Variants in CFAP144 observed in about 807,000 individuals in gnomAD.
CFAP144 encodes cilia and flagella associated protein 144.
chr1:43,154,134 CT>C, the CFAP144 span, among the ~76,000 whole-genome samples: 5 of 123,572 alleles, frequency 4.0e-5, no homozygotes, highest in Non-Finnish European at 8.6e-5. Flanking sequence ...TATATTCTCC[CT>C]TTTTATATAT....
the CFAP144 span, chr1:43,148,086 T>A: frequency 1.1e-5 from 18 of 1,605,998 alleles, no homozygotes; most frequent in East Asian, 3.9e-4. Flanking sequence ...TCCGCAAGAG[T>A]GAGAGGCACG....
the CFAP144 span, among the ~76,000 whole-genome samples, chr1:43,151,373 T>C: frequency 2.6e-4 from 39 of 152,126 alleles, no homozygotes; most frequent in African/African-American, 9.4e-4. Flanking sequence ...GGTGGAGGGA[T>C]CTCATAGCAT....
the CFAP144 span, among the ~76,000 whole-genome samples, chr1:43,143,459 T>C: frequency 6.6e-6 from 1 of 152,152 alleles, no homozygotes. Context: ...CAGAATATTA[T>C]GGTGATAAAA....
At chr1:43,152,729 G>A in the CFAP144 span, 7 of 1,307,252 alleles carry the variant, frequency 5.4e-6, no homozygotes, top group East Asian at 2.6e-5. Flanking sequence ...AGGCACAGAT[G>A]CTCTGCCTGA....
chr1:43,151,973 C>T, the CFAP144 span, among the ~76,000 whole-genome samples: 28,211 of 152,062 alleles, frequency 0.19, 3,284 homozygotes, highest in Middle Eastern at 0.27. Flanking sequence ...GTTAGCTGCT[C>T]GCTCTCTTAT....
chr1:43,149,564 A>G, the CFAP144 span, among the ~76,000 whole-genome samples: 3 of 152,160 alleles, frequency 2.0e-5, no homozygotes, highest in East Asian at 1.9e-4. Context: ...GGAGTCCCCA[A>G]CCACTAGTTT....
the CFAP144 span, among the ~76,000 whole-genome samples, chr1:43,152,586 C>T: frequency 2.0e-5 from 3 of 152,178 alleles, no homozygotes; most frequent in African/African-American, 7.2e-5. Context: ...GAGCAGGGAC[C>T]ATGCTGTCAC....
At chr1:43,152,895 T>C in the CFAP144 span, 1 of 1,613,520 alleles carries the variant, frequency 6.2e-7, no homozygotes, top group East Asian at 2.2e-5. Context: ...AGACACAGAC[T>C]GAAAACCAGG....
At chr1:43,148,589 C>T in the CFAP144 span, among the ~76,000 whole-genome samples, 8 of 152,114 alleles carry the variant, frequency 5.3e-5, no homozygotes, top group African/African-American at 1.9e-4. Context: ...AATGGAGCTT[C>T]AGATCCACAC....
the CFAP144 span, among the ~76,000 whole-genome samples, chr1:43,155,559 A>G: frequency 1.3e-5 from 2 of 152,256 alleles, no homozygotes; most frequent in African/African-American, 2.4e-5. Context: ...CACTGCTAGC[A>G]TAGTAAGAAA....
chr1:43,156,132 G>C, the CFAP144 span: 1 of 1,238,324 alleles, frequency 8.1e-7, no homozygotes, highest in Non-Finnish European at 1.2e-6. Flanking sequence ...ATATAAGCCA[G>C]GCCCATTGAC....
the CFAP144 span, chr1:43,145,417 C>T: frequency 1.3e-6 from 1 of 754,358 alleles, no homozygotes; most frequent in African/African-American, 1.7e-5. Flanking sequence ...TGGTCTGGTT[C>T]CTCCCAGACT....
the CFAP144 span, chr1:43,148,109 A>AAGGGCGAGAGCGGG: frequency 1.6e-5 from 25 of 1,610,316 alleles, no homozygotes; most frequent in Non-Finnish European, 2.0e-5. Flanking sequence ...GGGGTGGGGG[A>AAGGGCGAGAGCGGG]AGGGCGAGAG....
the CFAP144 span, among the ~76,000 whole-genome samples, chr1:43,154,583 A>G: frequency 6.6e-6 from 1 of 152,062 alleles, no homozygotes; most frequent in Admixed American, 6.6e-5. Context: ...TATGTATTCA[A>G]TGACAGTTAT....
chr1:43,156,080 T>C, the CFAP144 span: 1 of 751,256 alleles, frequency 1.3e-6, no homozygotes, highest in Non-Finnish European at 2.3e-6. Context: ...TGTGGTCATC[T>C]CCATTCCGCA....
At chr1:43,143,535 G>A in the CFAP144 span, among the ~76,000 whole-genome samples, 1 of 152,186 alleles carries the variant, frequency 6.6e-6, no homozygotes, top group Non-Finnish European at 1.5e-5. Context: ...AACCAGGAAT[G>A]GTCAGCAGAG....
the CFAP144 span, among the ~76,000 whole-genome samples, chr1:43,151,666 T>G: frequency 2.6e-5 from 4 of 151,852 alleles, no homozygotes; most frequent in African/African-American, 9.7e-5. Flanking sequence ...AGAGGAGAGA[T>G]ATTTGGTGGA....
the CFAP144 span, among the ~76,000 whole-genome samples, chr1:43,149,484 C>G: frequency 6.6e-6 from 1 of 152,250 alleles, no homozygotes; most frequent in Non-Finnish European, 1.5e-5. Flanking sequence ...GTAAAGTCCA[C>G]TTTGTTGCCT....
chr1:43,143,700 T>C, the CFAP144 span, among the ~76,000 whole-genome samples: 2 of 152,128 alleles, frequency 1.3e-5, no homozygotes, highest in African/African-American at 4.8e-5. Flanking sequence ...CAGCCCTACG[T>C]TTATGGTTCC....
Sources: gnomAD v4.1 joint callset for allele counts (sites outside exome capture counted in the v4.1 genomes callset) on GRCh38, gnomAD v4.1.1 for gene constraint, MANE v1.5 for transcripts, NCBI Gene and HGNC (gene_info 2026-07-23, HGNC 2026-07-21) for gene names.